The following KASH5 variants were observed in gnomAD, a reference collection of about 807,000 sequenced individuals.
KASH5 encodes KASH domain containing 5.
A neutral mutation model predicts 84.2 loss-of-function variants in KASH5; 72 were observed. The observed-to-expected ratio is 0.85, with a 90% confidence interval of 0.71 to 1.04. The LOEUF is 1.04. Among genes scored for constraint, KASH5 ranks in the 50% least tolerant of loss-of-function variants. The probability of loss-of-function intolerance (pLI) is 0.00; values close to 1 mark genes in which losing one functional copy is unlikely to be tolerated. For missense variants in KASH5, 650 were observed against 701.0 expected, an observed-to-expected ratio of 0.93 and a Z score of 0.82; for synonymous variants, 260 against 279.1, an observed-to-expected ratio of 0.93 and a Z score of 0.68.
At chr19:49,408,519 G>A (rs1423962237) in intron 12 of KASH5, among the ~76,000 whole-genome samples, 4 of 151,626 alleles carry the variant, frequency 2.6e-5, no homozygotes, top group Admixed American at 6.6e-5. Context: ...TGCAATCTCG[G>A]CTCACTGCAA....
In KASH5 at chr19:49,409,221, A is replaced by G. The variant is rs1298871850; in HGVS notation, c.1084A>G (p.Arg362Gly). Residue 362 changes from arginine to glycine, a missense_variant, in exon 14 of 20, where the codon AGA becomes GGA. Arg to Gly is a moderately radical substitution (Grantham distance 125). Transcript: ENST00000447857. ...GCTACCTGAAGGGGCCCAGCTGAGA[A>G]GAGTGGGCTGGACCGAGCTGCTACC... ...DELPEGAQLR[R>G]VGWTELLPPS... 27 of 1,613,806 alleles carry G rather than the reference A, an allele frequency of 1.7e-5. No individual in the cohort carries two copies. Among genetic ancestry groups the G allele is most frequent in the Non-Finnish European group, 2.3e-5 (27 of 1,179,854 alleles).
intron 1 of KASH5, among the ~76,000 whole-genome samples, chr19:49,389,237 AAGACCCCCGAAATCCAGCCAG>A (rs777541738): frequency 0.01 from 1,312 of 129,334 alleles, 12 homozygotes; most frequent in Admixed American, 0.015. Flanking sequence ...CGCAGAAATC[AAGACCCCCGAAATCCAGCCAG>A]AGACCCCTGA....
rs1046556365 is a variant in KASH5 at position 49,414,120 on chromosome 19, G to A, written c.1329-831G>A. On this transcript the variant is annotated intron_variant, in intron 16 of 19. Coordinates refer to ENST00000447857, the MANE Select transcript of KASH5 (RefSeq NM_144688.5). The surrounding 1 kb of genome is among the most constrained non-coding windows in gnomAD (Gnocchi z 4.5). ...GGGACTCAGATGGCTGTGACCCTAG[G>A]AGGGGCCTCCCTAGGAGCCTCCCGC... Among the ~76,000 whole-genome samples, 1 of 152,064 alleles carries A rather than the reference G, an allele frequency of 6.6e-6. No homozygotes were observed. Among genetic ancestry groups the A allele is most frequent in the Non-Finnish European group, 1.5e-5 (1 of 67,982 alleles).
At chr19:49,415,316 T>G (rs1053026127) in intron 17 of KASH5, 6 of 422,844 alleles carry the variant, frequency 1.4e-5, no homozygotes, top group Non-Finnish European at 2.2e-5. Context: ...CACACGCACA[T>G]GCGCCCACAC....
chr19:49,392,122 C>T (rs1974022206), intron 2 of KASH5, among the ~76,000 whole-genome samples: 1 of 151,838 alleles, frequency 6.6e-6, no homozygotes, highest in African/African-American at 2.4e-5. Flanking sequence ...CTTCGAGAGG[C>T]TCTGGAAGGA....
chr19:49,404,965 C>G (rs918229604), intron 9 of KASH5, among the ~76,000 whole-genome samples: 1 of 152,080 alleles, frequency 6.6e-6, no homozygotes, highest in East Asian at 1.9e-4. Context: ...CTAATCTGAA[C>G]GCACCAATCC....
chr19:49,389,684 G>C (rs772616989), intron 1 of KASH5: 3 of 152,404 alleles, frequency 2.0e-5, no homozygotes, highest in Non-Finnish European at 2.9e-5. Flanking sequence ...GCGAGCCCAG[G>C]CTCGACTGGT....
chr19:49,409,626 C>A, intron 14 of KASH5, 127 bp from the exon 15 acceptor site: 1 of 1,223,442 alleles, frequency 8.2e-7, no homozygotes, highest in Non-Finnish European at 1.2e-6. Context: ...CCAACCCCAG[C>A]CCCACACCAG....
At chr19:49,403,393 G>GC (rs1011988132) in intron 9 of KASH5, among the ~76,000 whole-genome samples, 8 of 151,748 alleles carry the variant, frequency 5.3e-5, no homozygotes, top group Admixed American at 5.3e-4. Context: ...AAAGGGGGGG[G>GC]GCAGCCAGGA....
At position 49,408,989 on chromosome 19, in the gene KASH5, G is replaced by T. The variant is rs376717953; in HGVS notation, c.1016G>T (p.Arg339Leu). 3.1e-6 allele frequency: 5 copies of T among 1,590,322 alleles called. No homozygotes were observed. The highest frequency in any genetic ancestry group is 3.4e-6 in the Non-Finnish European group (4 of 1,168,478). Residue 339 changes from arginine to leucine, a missense_variant, in exon 13 of 20, where the codon CGC (arginine) becomes CTC (leucine). Coordinates refer to ENST00000447857, the MANE Select transcript of KASH5 (RefSeq NM_144688.5). ...CAGGAACTGAGGCTGGAGATTTCAC[G>T]CCTGGAGGAGCAGCTGAGTCAGACC... ...TTQELRLEIS[R>L]LEEQLSQTYE...
At chr19:49,391,954 C>T (rs1050339855) in intron 2 of KASH5, among the ~76,000 whole-genome samples, 1 of 152,156 alleles carries the variant, frequency 6.6e-6, no homozygotes, top group African/African-American at 2.4e-5. Flanking sequence ...TTCTACAAAG[C>T]CCCAGACCTC....
rs1372080813 is a variant in KASH5 at position 49,407,310 on chromosome 19, G to A, written c.933+14G>A. On this transcript the variant is annotated intron_variant, in intron 11 of 19. Transcript: ENST00000447857. ...ATCCTCTCTGAGGTAAGGGGCCCCG[G>A]GAGGGAAAGAGATTCGCTTTCCATG... 1.2e-6 allele frequency: 2 copies of A among 1,613,386 alleles called. No homozygotes were observed. Among genetic ancestry groups the A allele is most frequent in the Admixed American group, 1.7e-5 (1 of 59,946 alleles).
rs1974958288 is a variant in KASH5, at chr19:49,417,697, C to T, written c.*187C>T. 1 of 702,498 alleles carries T rather than the reference C, an allele frequency of 1.4e-6. No individual in the cohort carries two copies. Among genetic ancestry groups the T allele is most frequent in the South Asian group, 3.7e-5 (1 of 26,734 alleles). The allele number at this position is 702,498 out of a possible 1,614,324, so 43.5% of individuals were successfully genotyped here. The stretch of plus-strand genomic sequence containing the variant: ...TAATGCTGACATTTCTTAACAATAG[C>T]AAAACTCCCCCAGTAATGGATTAAG... On this transcript the variant is annotated 3_prime_UTR_variant, in exon 20 of 20. Coordinates refer to ENST00000447857, the MANE Select transcript of KASH5 (RefSeq NM_144688.5). This position sits in a 1 kb window ranked among gnomAD's most constrained non-coding sequence, Gnocchi z 5.2.
At chr19:49,409,080 G>T (rs1053650659) in intron 13 of KASH5, 49 bp downstream of exon 13, 2 of 1,575,972 alleles carry the variant, frequency 1.3e-6, no homozygotes, top group South Asian at 1.2e-5. Flanking sequence ...GAGCCTAAGG[G>T]CAGGGACACC....
At position 49,399,444 on chromosome 19, in the gene KASH5, TG is replaced by T. The variant is rs1974290161; in HGVS notation, c.748-9del. The T allele has an allele frequency of 1.2e-6, 2 of 1,609,210 alleles. No homozygotes were observed. Among genetic ancestry groups the T allele is most frequent in the Admixed American group, 3.4e-5 (2 of 59,404 alleles). ...AGAAATGAAACCTTTGTCCTCTCTC[TG>T]GGGTTGGTCAGGAAAAGGAGCAGCA... On this transcript the variant is annotated splice_polypyrimidine_tract_variant and intron_variant, in intron 8 of 19. Transcript: ENST00000447857. This position sits in a 1 kb window ranked among gnomAD's most constrained non-coding sequence, Gnocchi z 4.4.
intron 15 of KASH5, among the ~76,000 whole-genome samples, chr19:49,410,320 T>C (rs1052575504): frequency 6.6e-6 from 1 of 152,092 alleles, no homozygotes; most frequent in African/African-American, 2.4e-5. Context: ...GCAATAACCA[T>C]TGGGGTTTTT....
intron 7 of KASH5, 64 bp downstream of exon 7, chr19:49,398,207 G>T: frequency 7.0e-7 from 1 of 1,426,234 alleles, no homozygotes; most frequent in Non-Finnish European, 9.4e-7. Context: ...GCAGCAGCCG[G>T]CCTCTATCTC....
chr19:49,403,382 A>G (rs1013175438), intron 9 of KASH5, among the ~76,000 whole-genome samples: 1 of 95,364 alleles, frequency 1.0e-5, no homozygotes, highest in Non-Finnish European at 2.1e-5. Flanking sequence ...AAAATAAAAA[A>G]AAAGGGGGGG....
chr19:49,394,408 G>A, intron 2 of KASH5, 68 bp from the exon 3 acceptor site: 1 of 1,244,878 alleles, frequency 8.0e-7, no homozygotes, highest in East Asian at 2.3e-5. Context: ...GGAGGCTGAG[G>A]ACCTGGGGTC....
Sources: gnomAD v4.1 joint callset for allele counts (sites outside exome capture counted in the v4.1 genomes callset) on GRCh38, gnomAD v4.1.1 for gene constraint, Gnocchi (gnomAD v3.1) non-coding constraint, MANE v1.5 for transcripts, NCBI Gene and HGNC (gene_info 2026-07-23, HGNC 2026-07-21) for gene names.